The following BCAR3 variants were observed in gnomAD, a reference collection of about 807,000 sequenced individuals.
BCAR3 encodes breast cancer anti-estrogen resistance protein 3.
Under a neutral mutation model 80.1 loss-of-function variants are expected in BCAR3, and 37 were observed. The observed-to-expected ratio is 0.46, with a 90% CI of 0.36 to 0.61. The LOEUF (loss-of-function observed/expected upper bound fraction) is 0.61, where lower values mean the gene tolerates loss of function less well. Ranked by LOEUF, BCAR3 falls within the 20% of genes least tolerant of loss-of-function variation. BCAR3 has a pLI of 0.00. For missense variants in BCAR3, 978 were observed against 1,068.2 expected, an observed-to-expected ratio of 0.92 and a Z score of 1.18; for synonymous variants, 389 against 418.9, an observed-to-expected ratio of 0.93 and a Z score of 0.87.
At chr1:93,660,631 A>G (rs1194250008) in intron 2 of BCAR3, among the ~76,000 whole-genome samples, 1 of 152,268 alleles carries the variant, frequency 6.6e-6, no homozygotes, top group Non-Finnish European at 1.5e-5. Flanking sequence ...GTCCCAATAA[A>G]GAGTTACTTT....
chr1:93,772,795 G>A (rs1050783899), intron 2 of BCAR3, among the ~76,000 whole-genome samples: 1 of 152,044 alleles, frequency 6.6e-6, no homozygotes, highest in Admixed American at 6.6e-5. Context: ...TAACAGAGAT[G>A]GGGTTTCACC....
intron 3 of BCAR3, among the ~76,000 whole-genome samples, chr1:93,638,566 A>C (rs996150961): frequency 1.1e-4 from 16 of 151,768 alleles, no homozygotes; most frequent in African/African-American, 3.9e-4. Flanking sequence ...TCTAAAAGAT[A>C]TTTCCTCCTA....
chr1:93,844,813 A>T (rs992026192), intron 2 of BCAR3, among the ~76,000 whole-genome samples: 6 of 150,038 alleles, frequency 4.0e-5, no homozygotes, highest in Admixed American at 2.7e-4. Flanking sequence ...GCCTCAAGTG[A>T]TCCTCCCGCC....
intron 3 of BCAR3, among the ~76,000 whole-genome samples, chr1:93,603,059 C>T (rs895758299): frequency 2.0e-5 from 3 of 152,174 alleles, no homozygotes; most frequent in African/African-American, 7.2e-5. Flanking sequence ...CCTACTTTTC[C>T]CACTGGGATG....
intron 2 of BCAR3, among the ~76,000 whole-genome samples, chr1:93,817,504 T>G (rs1654060370): frequency 6.6e-6 from 1 of 152,164 alleles, no homozygotes; most frequent in Non-Finnish European, 1.5e-5. Flanking sequence ...AGGAAATGAG[T>G]CTCTGAAAGT....
At chr1:93,766,383 G>A (rs1652150002) in intron 2 of BCAR3, among the ~76,000 whole-genome samples, 1 of 152,210 alleles carries the variant, frequency 6.6e-6, no homozygotes, top group Non-Finnish European at 1.5e-5. Context: ...GACTGTGCTG[G>A]GCAGTCTTGG....
rs867481317 is a variant in BCAR3 at position 93,824,520 on chromosome 1, C to T, written c.-63+21047G>A. 3.2e-4 allele frequency among the ~76,000 whole-genome samples: 43 copies of T among 133,088 alleles called. 11 individuals are homozygous for T. In the Middle Eastern group the frequency reaches 0.012, roughly 36 times the overall value. The allele number at this position is 133,088 out of a possible 152,430, so 87.3% of individuals were successfully genotyped here. ...CTCCAACACACAGACTACAGGCCTC[C>T]GGTGACAACTCTCAGTGCTGGGGAA... On this transcript the variant is annotated intron_variant, in intron 2 of 13. Transcript: ENST00000370244.
chr1:93,846,288 C>G (rs1247990671), intron 1 of BCAR3, among the ~76,000 whole-genome samples: 3 of 152,212 alleles, frequency 2.0e-5, no homozygotes, highest in African/African-American at 7.2e-5. Flanking sequence ...ACAGGGTGGG[C>G]CGCGGCTGGC....
At position 93,738,249 on chromosome 1, in the gene BCAR3, A is replaced by G. The variant is rs186536527; in HGVS notation, c.-62-32107T>C. Among the ~76,000 whole-genome samples the G allele has an allele frequency of 1.7e-3, 258 of 152,358 alleles. 1 individual carries two copies. The highest frequency in any genetic ancestry group is 3.1e-3 in the Admixed American group (48 of 15,308). On this transcript the variant is annotated intron_variant, in intron 2 of 13. Coordinates refer to the BCAR3 transcript ENST00000370244. ...AAGTAGGGACAATATTACTCACCTCATAGTATTGTTATGAGGATTCAATGA... is the reference window on the plus strand; with the variant it reads ...AAGTAGGGACAATATTACTCACCTCGTAGTATTGTTATGAGGATTCAATGA...
chr1:93,724,635 C>T (rs1174617904), intron 2 of BCAR3, among the ~76,000 whole-genome samples: 1 of 152,172 alleles, frequency 6.6e-6, no homozygotes, highest in Non-Finnish European at 1.5e-5. Context: ...CTCCTGCCAC[C>T]CAGCCTGGTG....
At chr1:93,732,356 T>G (rs1295250292) in intron 2 of BCAR3, among the ~76,000 whole-genome samples, 1 of 152,200 alleles carries the variant, frequency 6.6e-6, no homozygotes, top group Admixed American at 6.5e-5. Flanking sequence ...GGCTCATGCC[T>G]GTAATCCCAG....
chr1:93,699,357 C>CT (rs2101971089), intron 3 of BCAR3, among the ~76,000 whole-genome samples: 1 of 152,336 alleles, frequency 6.6e-6, no homozygotes, highest in East Asian at 1.9e-4. Flanking sequence ...TGAAGCCAAT[C>CT]TCCCTACAGT....
At chr1:93,736,849 C>T (rs1369830167) in intron 2 of BCAR3, among the ~76,000 whole-genome samples, 1 of 152,210 alleles carries the variant, frequency 6.6e-6, no homozygotes, top group African/African-American at 2.4e-5. Flanking sequence ...TGAGTGCTTT[C>T]TGTGTGCTGG....
intron 2 of BCAR3, among the ~76,000 whole-genome samples, chr1:93,744,063 C>G (rs1651273435): frequency 6.6e-6 from 1 of 152,162 alleles, no homozygotes; most frequent in Admixed American, 6.5e-5. Context: ...ATAGCCCCCA[C>G]CACCCACACT....
intron 3 of BCAR3, among the ~76,000 whole-genome samples, chr1:93,617,438 G>C (rs996596645): frequency 3.9e-5 from 6 of 152,132 alleles, no homozygotes; most frequent in Non-Finnish European, 8.8e-5. Flanking sequence ...AGGCACTCTT[G>C]GGCTTTGTCA....
intron 2 of BCAR3, among the ~76,000 whole-genome samples, chr1:93,780,836 A>T (rs1227150042): frequency 6.6e-6 from 1 of 152,240 alleles, no homozygotes; most frequent in East Asian, 1.9e-4. Flanking sequence ...AAATAATAAC[A>T]TCCTTTGCAT....
intron 2 of BCAR3, among the ~76,000 whole-genome samples, chr1:93,663,639 G>T (rs954051082): frequency 3.3e-5 from 5 of 152,176 alleles, no homozygotes; most frequent in Admixed American, 1.3e-4. Context: ...GTTCAAATGG[G>T]CATCCTTCCT....
In BCAR3 at chr1:93,578,945, G is replaced by A. The variant is rs569094092; in HGVS notation, c.1687-2816C>T. 5.8e-4 allele frequency among the ~76,000 whole-genome samples: 88 copies of A among 152,362 alleles called. 1 individual carries two copies. Among genetic ancestry groups the A allele is most frequent in the African/African-American group, 2.0e-3 (85 of 41,590 alleles). ...TATTCCTTACAGACAGGCACAGAAG[G>A]GGAGGCTGTTCAGCTGATGTGGCAG... is the stretch of plus-strand genomic sequence containing the variant. On this transcript the variant is annotated intron_variant, in intron 7 of 11. Coordinates refer to ENST00000260502, the MANE Select transcript of BCAR3 (RefSeq NM_003567.4).
At chr1:93,721,855 G>C (rs1650415346) in intron 2 of BCAR3, among the ~76,000 whole-genome samples, 1 of 152,240 alleles carries the variant, frequency 6.6e-6, no homozygotes, top group Admixed American at 6.5e-5. Context: ...CTAGCCATAT[G>C]GCTCTGGCCA....
Sources: allele counts gnomAD v4.1 joint callset (sites outside exome capture counted in the v4.1 genomes callset), GRCh38; gene constraint gnomAD v4.1.1; transcripts MANE v1.5; gene names NCBI Gene and HGNC (gene_info 2026-07-23, HGNC 2026-07-21).